Variants in MLLT10 observed in about 807,000 individuals in gnomAD.
MLLT10 encodes the protein MLLT10 histone lysine methyltransferase DOT1L cofactor.
A neutral mutation model predicts 129.1 loss-of-function variants in MLLT10; 30 were observed. The ratio of observed to expected loss-of-function variants is 0.23; its 90% CI spans 0.17 to 0.32. The LOEUF (loss-of-function observed/expected upper bound fraction) is 0.32. Ranked by LOEUF, MLLT10 falls within the 10% of genes least tolerant of loss-of-function variation. MLLT10 has a pLI of 1.00. For missense variants in MLLT10, 1,119 were observed against 1,268.3 expected, an observed-to-expected ratio of 0.88 and a Z score of 1.79; for synonymous variants, 490 against 446.4, an observed-to-expected ratio of 1.10 and a Z score of -1.23.
At chr10:21,670,370 A>C (rs1243737411) in intron 9 of MLLT10, 79 bp from the exon 10 acceptor site, 8 of 1,346,490 alleles carry the variant, frequency 5.9e-6, no homozygotes, top group Non-Finnish European at 7.0e-6. Flanking sequence ...AGTTCTTCTT[A>C]TTAATGTGGC....
At chr10:21,573,040 C>T (rs1433275203) in intron 3 of MLLT10, among the ~76,000 whole-genome samples, 1 of 151,822 alleles carries the variant, frequency 6.6e-6, no homozygotes, top group Non-Finnish European at 1.5e-5. Flanking sequence ...TGTATATTGA[C>T]CTGTTTCTTA....
At chr10:21,649,949 AT>A (rs1307823839) in intron 8 of MLLT10, among the ~76,000 whole-genome samples, 2 of 152,194 alleles carry the variant, frequency 1.3e-5, no homozygotes, top group African/African-American at 4.8e-5. Context: ...ATCTGCCACA[AT>A]CAAAATAACT....
At chr10:21,664,939 C>CTTTTATTTTT (rs2050601050) in intron 9 of MLLT10, among the ~76,000 whole-genome samples, 2 of 133,386 alleles carry the variant, frequency 1.5e-5, no homozygotes, top group East Asian at 4.4e-4. Flanking sequence ...CTTCTTTTTT[C>CTTTTATTTTT]TTTTCTTTTT....
At chr10:21,646,330 G>A (rs1428392346) in intron 8 of MLLT10, among the ~76,000 whole-genome samples, 1 of 152,192 alleles carries the variant, frequency 6.6e-6, no homozygotes, top group Non-Finnish European at 1.5e-5. Context: ...GAGAGCAAAT[G>A]ATGCTGCATT....
At chr10:21,595,490 A>G in intron 5 of MLLT10, 50 bp downstream of exon 5, 1 of 1,420,020 alleles carries the variant, frequency 7.0e-7, no homozygotes, top group Non-Finnish European at 9.7e-7. Context: ...ACTGGGAAGT[A>G]GAAAGGAAGT....
At chr10:21,690,004 C>A (rs1244911962) in intron 13 of MLLT10, among the ~76,000 whole-genome samples, 1 of 151,844 alleles carries the variant, frequency 6.6e-6, no homozygotes, top group Non-Finnish European at 1.5e-5. Flanking sequence ...TTTACTAACA[C>A]AATATTTAGG....
intron 5 of MLLT10, among the ~76,000 whole-genome samples, chr10:21,606,110 G>A (rs1321113014): frequency 6.6e-6 from 1 of 152,010 alleles, no homozygotes; most frequent in East Asian, 1.9e-4. Flanking sequence ...GACCTTTGAC[G>A]TTACTGTGAG....
Position 21,733,869 on chromosome 10 carries a change from A to G in MLLT10, c.2598A>G (p.Gly866=), listed in dbSNP as rs774562613. 6.2e-7 allele frequency: 1 copy of G among 1,614,166 alleles called. No individual in the cohort carries two copies. Among genetic ancestry groups the G allele is most frequent in the Non-Finnish European group, 8.5e-7 (1 of 1,180,028 alleles). Residue 866 remains glycine (G), a synonymous_variant, in exon 20 of 23, where the codon GGA becomes GGG. Coordinates refer to ENST00000307729, the MANE Select transcript of MLLT10 (RefSeq NM_001195626.3). ...CTCAACAAGGCTCAGGAGTGAGTGG[A>G]GTTCAGCAGGTCAATGGCGTGACAG... ...SPAQQGSGVS[G]VQQVNGVTVG...
intron 8 of MLLT10, among the ~76,000 whole-genome samples, chr10:21,633,882 A>G (rs1056050437): frequency 1.3e-5 from 2 of 152,210 alleles, no homozygotes; most frequent in Admixed American, 1.3e-4. Flanking sequence ...TTGTTCGAGC[A>G]ATGTCCTAAT....
intron 2 of MLLT10, among the ~76,000 whole-genome samples, chr10:21,535,110 C>T (rs1412318919): frequency 1.3e-5 from 1 of 78,968 alleles, no homozygotes; most frequent in South Asian, 4.2e-4. Flanking sequence ...CCCTCGAGAT[C>T]TGGGCCGGGG....
chr10:21,608,547 A>G (rs2044288354), intron 5 of MLLT10, among the ~76,000 whole-genome samples: 1 of 152,008 alleles, frequency 6.6e-6, no homozygotes, highest in African/African-American at 2.4e-5. Flanking sequence ...TTTTGTATGT[A>G]TAATTTTTTT....
chr10:21,688,531 A>G, intron 13 of MLLT10: 1 of 1,612,192 alleles, frequency 6.2e-7, no homozygotes, highest in Non-Finnish European at 8.5e-7. Flanking sequence ...AAGAACTTAA[A>G]TTCATAGGTA....
chr10:21,587,202 C>A (rs1320574021), intron 4 of MLLT10, among the ~76,000 whole-genome samples: 2 of 151,602 alleles, frequency 1.3e-5, no homozygotes, highest in Non-Finnish European at 2.9e-5. Context: ...GAGTCTGAGA[C>A]CATCCTGGGC....
chr10:21,596,790 T>C (rs1368652098), intron 5 of MLLT10, among the ~76,000 whole-genome samples: 4 of 152,102 alleles, frequency 2.6e-5, no homozygotes, highest in Non-Finnish European at 2.9e-5. Context: ...AAGTGTTTTA[T>C]GTTAGAGATC....
At chr10:21,544,647 GAGCATTTTGAAGTATGAAATGACAGAA>G (rs542899136) in intron 3 of MLLT10, among the ~76,000 whole-genome samples, 2 of 152,272 alleles carry the variant, frequency 1.3e-5, no homozygotes, top group African/African-American at 4.8e-5. Context: ...GAAAAGAAGG[GAGCATTTTGAAGTATGAAATGACAGAA>G]ATGGATGTTA....
intron 14 of MLLT10, among the ~76,000 whole-genome samples, chr10:21,715,028 T>C (rs2056431002): frequency 1.3e-5 from 2 of 152,202 alleles, no homozygotes; most frequent in African/African-American, 2.4e-5. Flanking sequence ...AAAGCTCTAG[T>C]AGTCTTTTAA....
chr10:21,708,462 A>G (rs941960188), intron 13 of MLLT10: 5 of 585,826 alleles, frequency 8.5e-6, no homozygotes, highest in African/African-American at 8.2e-5. Context: ...CTGAGGAGCA[A>G]GGAAGTTGAA....
chr10:21,541,060 T>C (rs574817512), intron 3 of MLLT10, among the ~76,000 whole-genome samples: 1 of 152,122 alleles, frequency 6.6e-6, no homozygotes, highest in East Asian at 1.9e-4. Context: ...CTTGGGAGAC[T>C]GAGGCAGGAG....
intron 17 of MLLT10, among the ~76,000 whole-genome samples, chr10:21,732,302 G>T (rs1171459675): frequency 6.6e-6 from 1 of 152,206 alleles, no homozygotes; most frequent in South Asian, 2.1e-4. Flanking sequence ...AAGTCAGCCT[G>T]TTTACAGGGG....
Sources: allele counts gnomAD v4.1 joint callset (sites outside exome capture counted in the v4.1 genomes callset), GRCh38; gene constraint gnomAD v4.1.1; transcripts MANE v1.5; gene names NCBI Gene and HGNC (gene_info 2026-07-23, HGNC 2026-07-21).